OSBP: variants seen among roughly 807,000 people sequenced by gnomAD.
The protein encoded by OSBP is oxysterol binding protein, also known as oxysterol-binding protein 1.
Under a neutral mutation model 96.6 loss-of-function variants are expected in OSBP, and 32 were observed. The ratio of observed to expected loss-of-function variants is 0.33; its 90% confidence interval spans 0.25 to 0.45. OSBP has a LOEUF of 0.45. Ranked by LOEUF, OSBP falls within the 20% of genes least tolerant of loss-of-function variation. The pLI is 1.00. For missense variants in OSBP, 653 were observed against 1,029.7 expected, an observed-to-expected ratio of 0.63 and a Z score of 5.01; for synonymous variants, 369 against 389.6, an observed-to-expected ratio of 0.95 and a Z score of 0.62.
At chr11:59,608,867 A>T (rs147150418) in intron 2 of OSBP, 133 bp from the exon 3 acceptor site, 17 of 839,250 alleles carry the variant, frequency 2.0e-5, no homozygotes, top group Middle Eastern at 3.6e-4. Flanking sequence ...ACTTGCCATT[A>T]CCAGATGGTT....
rs1184037322 is a variant in OSBP at position 59,615,409 on chromosome 11, C to A, written c.256G>T (p.Gly86Cys). ...TGGSGGSGAG[G>C]SGSAREGWLF... ...CAGCCCTCTCGAGCCGAGCCCGAAC[C>A]CCCAGCGCCCGAGCCGCCCGAGCCC... is the stretch of plus-strand genomic sequence containing the variant. Residue 86 changes from glycine to cysteine, a missense_variant, in exon 1 of 14, where the codon GGT (glycine) becomes TGT (cysteine). This residue lies in a region of OSBP where 151 missense variants were observed against 146.1 expected (regional missense o/e 1.03). Transcript: ENST00000263847. 5.2e-6 allele frequency: 8 copies of A among 1,545,386 alleles called. No homozygotes were observed. Among genetic ancestry groups the A allele is most frequent in the South Asian group, 1.2e-5 (1 of 86,232 alleles).
intron 7 of OSBP, among the ~76,000 whole-genome samples, chr11:59,599,256 G>C (rs1051699054): frequency 5.3e-5 from 8 of 152,204 alleles, no homozygotes; most frequent in African/African-American, 1.9e-4. Flanking sequence ...ATACGTAAAT[G>C]AAAGAGTATC....
chr11:59,597,257 C>G (rs1860670581), intron 7 of OSBP, among the ~76,000 whole-genome samples: 1 of 152,040 alleles, frequency 6.6e-6, no homozygotes, highest in Non-Finnish European at 1.5e-5. Flanking sequence ...GTTGGCCAGG[C>G]TGGTCTCGAA....
Position 59,608,539 on chromosome 11 carries a change from T to C in OSBP, c.767A>G (p.Lys256Arg), listed in dbSNP as rs960677903. The part of the protein sequence containing the change: ...KLPAESNEKI[K>R]QVNERATLFR... Reference sequence around the variant, plus strand: ...GAGTGTGGCTCGTTCGTTGACCTGTTTGATCTTTTCATTGCTCTCAGCAGG... The same window carrying C: ...GAGTGTGGCTCGTTCGTTGACCTGTCTGATCTTTTCATTGCTCTCAGCAGG... Residue 256 changes from lysine (K) to arginine (R), a missense_variant, in exon 3 of 14, where the codon AAA (lysine) becomes AGA (arginine). Lys to Arg is a conservative substitution (Grantham distance 26). Around this residue, in one of 6 missense-constraint regions of OSBP, gnomAD observed 308 missense variants for 573.1 expected, o/e 0.54. Coordinates refer to ENST00000263847, the MANE Select transcript of OSBP (RefSeq NM_002556.3). 6.2e-7 allele frequency: 1 copy of C among 1,614,034 alleles called. No individual in the cohort carries two copies. The highest frequency in any genetic ancestry group is 8.5e-7 in the Non-Finnish European group (1 of 1,180,024).
chr11:59,599,874 C>T (rs1590674887), intron 7 of OSBP, among the ~76,000 whole-genome samples: 1 of 152,206 alleles, frequency 6.6e-6, no homozygotes, highest in African/African-American at 2.4e-5. Flanking sequence ...GTTACCAAGC[C>T]CCCTAAGGTA....
rs1860349204 is a variant in OSBP at position 59,575,303 on chromosome 11, A to T, written c.*1274T>A. 6.6e-6 allele frequency: 1 copy of T among 152,232 alleles called. No homozygotes were observed. The highest frequency in any genetic ancestry group is 2.1e-4 in the South Asian group (1 of 4,830). 9.4% of individuals were successfully genotyped at this position (152,232 alleles called of 1,614,324 possible). The stretch of plus-strand genomic sequence containing the variant: ...AGGAGAGCAGAGTTTAGACAGCAGT[A>T]GGCACCCCATGATACAAACCATGGA... On this transcript the variant is annotated 3_prime_UTR_variant, in exon 14 of 14. Transcript: ENST00000263847.
At chr11:59,584,352 A>G (rs1352062607) in intron 9 of OSBP, among the ~76,000 whole-genome samples, 1 of 152,314 alleles carries the variant, frequency 6.6e-6, no homozygotes, top group African/African-American at 2.4e-5. Flanking sequence ...CTACAGACCA[A>G]TATCATATCC....
intron 7 of OSBP, among the ~76,000 whole-genome samples, chr11:59,596,097 T>G (rs1411467103): frequency 2.0e-5 from 3 of 151,790 alleles, no homozygotes; most frequent in Non-Finnish European, 4.4e-5. Flanking sequence ...CCAACAACAC[T>G]CATCCTTTGA....
intron 1 of OSBP, among the ~76,000 whole-genome samples, chr11:59,613,136 G>A (rs891787035): frequency 2.0e-5 from 3 of 152,204 alleles, no homozygotes; most frequent in Non-Finnish European, 1.5e-5. Context: ...TAAACTGCCA[G>A]TATACTTGAT....
intron 1 of OSBP, among the ~76,000 whole-genome samples, chr11:59,614,326 G>T (rs755520223): frequency 6.6e-6 from 1 of 152,090 alleles, no homozygotes; most frequent in African/African-American, 2.4e-5. Flanking sequence ...CAACTCCTAG[G>T]GTTGTTGTTG....
In OSBP at chr11:59,615,432, C is replaced by G. The variant is rs1860912629; in HGVS notation, c.233G>C (p.Gly78Ala). 2.0e-6 allele frequency: 3 copies of G among 1,492,216 alleles called. No individual in the cohort carries two copies. Among genetic ancestry groups the G allele is most frequent in the Non-Finnish European group, 2.7e-6 (3 of 1,113,838 alleles). 92.4% of individuals were successfully genotyped at this position (1,492,216 alleles called of 1,614,324 possible). A position where few individuals can be genotyped will look rare whatever the true frequency, so the allele number is the denominator to read the frequency against. Residue 78 changes from glycine to alanine, a missense_variant, in exon 1 of 14, where the codon GGC (glycine) becomes GCC (alanine). Gly to Ala is a moderately conservative substitution (Grantham distance 60, BLOSUM62 0). Transcript: ENST00000263847. ...AGPAPAPPTGGSGGSGAGGSG... is the reference protein window; with the variant it reads ...AGPAPAPPTGASGGSGAGGSG... ...ACCCCCAGCGCCCGAGCCGCCCGAG[C>G]CCCCAGTCGGCGGCGCAGGGGCCGG...
At chr11:59,599,760 A>T (rs1860697044) in intron 7 of OSBP, among the ~76,000 whole-genome samples, 2 of 152,230 alleles carry the variant, frequency 1.3e-5, no homozygotes, top group Admixed American at 1.3e-4. Context: ...AGGCAGAAAG[A>T]GCAGTGTGTA....
chr11:59,600,697 C>G (rs995533034), intron 6 of OSBP, 70 bp from the exon 7 acceptor site: 14 of 1,574,762 alleles, frequency 8.9e-6, no homozygotes, highest in Non-Finnish European at 1.2e-5. Flanking sequence ...ACCTTCCCTT[C>G]CCCCGTGCTA....
At chr11:59,594,502 G>A (rs1186757917) in intron 7 of OSBP, among the ~76,000 whole-genome samples, 4 of 152,134 alleles carry the variant, frequency 2.6e-5, no homozygotes, top group Non-Finnish European at 5.9e-5. Context: ...CTCTTCTGTT[G>A]AGTGCTACAT....
chr11:59,615,607 G>T lies in OSBP; in HGVS notation c.58C>A (p.Leu20Ile). Residue 20 changes from leucine (L) to isoleucine (I), a missense_variant, in exon 1 of 14, where the codon CTT (leucine) becomes ATT (isoleucine). Leu to Ile is a conservative substitution (Grantham distance 5). Transcript: ENST00000263847. ...GGGGGACCGGCGCCGCCGCCGCCAA[G>T]TGCTGCAATGGCTGCCGGGCCTGGC... ...VGPGPAAIAA[L>I]GGGGAGPPVV... 1 of 1,379,570 alleles carries T rather than the reference G, an allele frequency of 7.2e-7. No homozygotes were observed. The highest frequency in any genetic ancestry group is 9.4e-7 in the Non-Finnish European group (1 of 1,064,682). The allele number at this position is 1,379,570 out of a possible 1,614,324, so 85.5% of individuals were successfully genotyped here. A position where few individuals can be genotyped will look rare whatever the true frequency, so the allele number is the denominator to read the frequency against.
In OSBP at chr11:59,575,795, C is replaced by G. The variant is rs1311343712; in HGVS notation, c.*782G>C. On this transcript the variant is annotated 3_prime_UTR_variant, in exon 14 of 14. Transcript: ENST00000263847. ...GGCTAGTAGTCTTTTTCCATCCTGCCTGTGTTCTCAGAAGCTCTCCGCCTG... is the reference window on the plus strand; with the variant it reads ...GGCTAGTAGTCTTTTTCCATCCTGCGTGTGTTCTCAGAAGCTCTCCGCCTG... 1 of 152,274 alleles carries G rather than the reference C, an allele frequency of 6.6e-6. No individual in the cohort carries two copies. Among genetic ancestry groups the G allele is most frequent in the South Asian group, 2.1e-4 (1 of 4,820 alleles). The allele number at this position is 152,274 out of a possible 1,614,324, so 9.4% of individuals were successfully genotyped here.
chr11:59,594,299 A>AT (rs1386279234), intron 7 of OSBP, 44 bp from the exon 8 acceptor site: 3 of 1,585,312 alleles, frequency 1.9e-6, no homozygotes, highest in African/African-American at 1.4e-5. Context: ...TCACTCATCT[A>AT]TAAGAGACAG....
Position 59,611,150 on chromosome 11 carries a change from A to AAAAG in OSBP, c.363-565_363-562dup, listed in dbSNP as rs1197469501. Reference sequence around the variant, plus strand: ...AACTCCGTCTCAAAAAAAAAAAAAAAAAAGAAAGAAAGAAAGAAAGAAAGA... The same window carrying AAAAG: ...AACTCCGTCTCAAAAAAAAAAAAAAAAAAGAAAGAAAGAAAGAAAGAAAGAAAGA... On this transcript the variant is annotated intron_variant, in intron 1 of 13. Coordinates refer to ENST00000263847, the MANE Select transcript of OSBP (RefSeq NM_002556.3). Among the ~76,000 whole-genome samples the AAAAG allele has an allele frequency of 9.8e-4, 148 of 150,700 alleles. 1 individual carries two copies. The highest frequency in any genetic ancestry group is 3.1e-3 in the East Asian group (16 of 5,152).
chr11:59,584,674 C>T (rs1357530949), intron 9 of OSBP, among the ~76,000 whole-genome samples: 1 of 152,200 alleles, frequency 6.6e-6, no homozygotes, highest in Non-Finnish European at 1.5e-5. Flanking sequence ...GAAAACCCCA[C>T]AGCAAATATC....
Sources: gnomAD v4.1 joint callset for allele counts (sites outside exome capture counted in the v4.1 genomes callset) on GRCh38, gnomAD v4.1.1 for gene constraint, gnomAD v4.1.1 regional missense constraint, MANE v1.5 for transcripts, NCBI Gene and HGNC (gene_info 2026-07-23, HGNC 2026-07-21) for gene names.